USP48: variants seen among roughly 807,000 people sequenced by gnomAD.
USP48 encodes the protein ubiquitin carboxyl-terminal hydrolase 48.
In USP48, 43 loss-of-function variants were observed where a neutral mutation model predicts 150.7. The ratio of observed to expected loss-of-function variants is 0.29; its 90% CI spans 0.22 to 0.37. The LOEUF is 0.37. USP48 is among the 10% of genes least tolerant of loss of function. The pLI is 1.00. For missense variants in USP48, 813 were observed against 1,249.6 expected (o/e 0.65, Z 5.27); for synonymous variants, 396 against 425.9 (o/e 0.93, Z 0.86).
intron 1 of USP48, among the ~76,000 whole-genome samples, chr1:21,776,455 G>C (rs1393064053): frequency 6.6e-6 from 1 of 151,988 alleles, no homozygotes; most frequent in African/African-American, 2.4e-5. Flanking sequence ...AAAGGAGAAA[G>C]GCTCATGTCT....
intron 6 of USP48, among the ~76,000 whole-genome samples, chr1:21,748,657 T>A (rs2097801390): frequency 6.6e-6 from 1 of 152,234 alleles, no homozygotes; most frequent in Non-Finnish European, 1.5e-5. Flanking sequence ...ACGCCTGTAA[T>A]CCCAACACTT....
intron 9 of USP48, among the ~76,000 whole-genome samples, chr1:21,734,165 C>CA (rs1398857995): frequency 6.6e-6 from 1 of 152,150 alleles, no homozygotes; most frequent in African/African-American, 2.4e-5. Flanking sequence ...TTTGGGAGGC[C>CA]AAGTGCAAGG....
At chr1:21,752,075 C>T (rs982372247) in intron 5 of USP48, among the ~76,000 whole-genome samples, 9 of 151,084 alleles carry the variant, frequency 6.0e-5, no homozygotes, top group South Asian at 2.1e-4. Flanking sequence ...GCTAAACATT[C>T]GTTGGGAAAC....
intron 22 of USP48, 53 bp from the exon 23 acceptor site, chr1:21,695,274 C>A: frequency 6.7e-7 from 1 of 1,503,166 alleles, no homozygotes; most frequent in Non-Finnish European, 8.9e-7. Context: ...ACAATGTGAC[C>A]CTTGCTCATG....
chr1:21,688,247 C>T (rs979879075), intron 24 of USP48, among the ~76,000 whole-genome samples: 1 of 152,108 alleles, frequency 6.6e-6, no homozygotes, highest in African/African-American at 2.4e-5. Context: ...GAGACGGAGT[C>T]TCCCTCTGTT....
chr1:21,727,795 A>T, intron 11 of USP48: 1 of 880,512 alleles, frequency 1.1e-6, no homozygotes, highest in Non-Finnish European at 1.4e-6. Flanking sequence ...CATTTTGCTT[A>T]AAGTTATACT....
intron 1 of USP48, among the ~76,000 whole-genome samples, chr1:21,766,302 C>T (rs1305169880): frequency 2.0e-5 from 3 of 151,922 alleles, no homozygotes; most frequent in South Asian, 4.2e-4. Context: ...ACCCGGGAGG[C>T]GGAGGTTGCA....
Position 21,744,777 on chromosome 1 carries a change from T to TAAAAAAAA in USP48, c.991+2282_991+2289dup, listed in dbSNP as rs10699993. On this transcript the variant is annotated intron_variant, in intron 8 of 26. Coordinates refer to ENST00000308271, the MANE Select transcript of USP48 (RefSeq NM_032236.8). Reference sequence around the variant, plus strand: ...GGGCAACAGAATGAAACTCTATCTCTAAAAAAAAAAAAAAAAAAAAAAAAA... The same window carrying TAAAAAAAA: ...GGGCAACAGAATGAAACTCTATCTCTAAAAAAAAAAAAAAAAAAAAAAAAAAAAAAAAA... Among the ~76,000 whole-genome samples the TAAAAAAAA allele has an allele frequency of 5.2e-4, 31 of 59,582 alleles. 1 individual carries two copies. The highest frequency in any genetic ancestry group is 1.7e-3 in the African/African-American group (24 of 14,328). The allele number at this position is 59,582 out of a possible 152,430, so 39.1% of individuals were successfully genotyped here. A position where few individuals can be genotyped will look rare whatever the true frequency, so the allele number is the denominator to read the frequency against.
chr1:21,692,654 G>A (rs961388631), intron 23 of USP48, among the ~76,000 whole-genome samples: 2 of 152,150 alleles, frequency 1.3e-5, no homozygotes, highest in Non-Finnish European at 2.9e-5. Context: ...ACTGTTTTAG[G>A]TGTTGATAAT....
At chr1:21,714,560 G>A (rs1239564911) in intron 15 of USP48, among the ~76,000 whole-genome samples, 1 of 152,134 alleles carries the variant, frequency 6.6e-6, no homozygotes, top group African/African-American at 2.4e-5. Context: ...ACAGCACTCA[G>A]TGCTCAGACT....
At chr1:21,703,994 A>G (rs148661478) in intron 20 of USP48, among the ~76,000 whole-genome samples, 1 of 152,322 alleles carries the variant, frequency 6.6e-6, no homozygotes, top group Admixed American at 6.5e-5. Flanking sequence ...AAGTATTAGG[A>G]TTATAGGTAT....
intron 8 of USP48, among the ~76,000 whole-genome samples, chr1:21,737,044 C>T (rs1206015238): frequency 3.3e-5 from 5 of 152,258 alleles, no homozygotes; most frequent in South Asian, 4.1e-4. Flanking sequence ...AATGAAAAGG[C>T]TATTGTTTAT....
intron 6 of USP48, among the ~76,000 whole-genome samples, chr1:21,750,321 C>T (rs1023832760): frequency 3.9e-5 from 6 of 152,134 alleles, no homozygotes; most frequent in Non-Finnish European, 8.8e-5. Context: ...CACTCTTCTC[C>T]TTGTTTCTAA....
At chr1:21,763,750 G>T (rs112911943) in intron 1 of USP48, among the ~76,000 whole-genome samples, 11,601 of 152,152 alleles carry the variant, frequency 0.076, 501 homozygotes, top group Middle Eastern at 0.11. Flanking sequence ...AGGAGGCAGA[G>T]GGTGCGGTGA....
rs1471073141 is a variant in USP48, at chr1:21,705,761, T to A, written c.2350A>T (p.Thr784Ser). The A allele has an allele frequency of 1.2e-6, 2 of 1,611,526 alleles. No homozygotes were observed. Among genetic ancestry groups the A allele is most frequent in the Non-Finnish European group, 8.5e-7 (1 of 1,179,294 alleles). Residue 784 changes from threonine to serine, a missense_variant, in exon 19 of 27, where the codon ACA (threonine) becomes TCA (serine). Physicochemically the swap from Thr to Ser is moderately conservative, Grantham distance 58 (BLOSUM62 1). Transcript: ENST00000308271. ...TCTTCTTTGGTCATGGAAGCAAATG[T>A]AAACATGAGGCCCCCGTGGGGACAC... ...LLCPHGGLMF[T>S]FASMTKEDSK...
At chr1:21,706,021 A>G in intron 18 of USP48, 105 bp downstream of exon 18, 1 of 1,280,852 alleles carries the variant, frequency 7.8e-7, no homozygotes, top group South Asian at 1.4e-5. Flanking sequence ...GGTGAAAGTA[A>G]CCATGAAGGA....
intron 8 of USP48, among the ~76,000 whole-genome samples, chr1:21,741,734 T>C (rs1235291814): frequency 6.6e-6 from 1 of 152,152 alleles, no homozygotes; most frequent in South Asian, 2.1e-4. Flanking sequence ...CCCAGGACTT[T>C]GTGAGCCGAG....
chr1:21,680,926 AAT>A, intron 25 of USP48, 92 bp from the exon 26 acceptor site: 1 of 1,007,912 alleles, frequency 9.9e-7, no homozygotes, highest in South Asian at 1.5e-5. Context: ...AAAAGTTTAA[AAT>A]AACTTTTGAT....
rs1199601366 is a variant in USP48 at position 21,701,725 on chromosome 1, T to C, written c.2623-123A>G. ...AGGAACACCTTTATCATGGTGGGAT[T>C]ATAGACTGGAGAGTGGATCAAGAAT... On this transcript the variant is annotated intron_variant, in intron 21 of 26. Transcript: ENST00000308271. 8.7e-6 allele frequency: 6 copies of C among 686,828 alleles called. No individual in the cohort carries two copies. The East Asian group carries it at 1.4e-4, about 16-fold the overall frequency. The allele number at this position is 686,828 out of a possible 1,614,324, so 42.5% of individuals were successfully genotyped here.
Sources: gnomAD v4.1 joint callset for allele counts (sites outside exome capture counted in the v4.1 genomes callset) on GRCh38, gnomAD v4.1.1 for gene constraint, MANE v1.5 for transcripts, NCBI Gene and HGNC (gene_info 2026-07-23, HGNC 2026-07-21) for gene names.